LAMB4: variants seen among roughly 807,000 people sequenced by gnomAD.
LAMB4 encodes laminin subunit beta-4.
In LAMB4, 196 loss-of-function variants were observed where a neutral mutation model predicts 199.2. That is an observed-to-expected ratio of 0.98 (90% CI 0.88 to 1.11). The LOEUF (loss-of-function observed/expected upper bound fraction) is 1.11, where lower values mean the gene tolerates loss of function less well. LAMB4 is among the 50% of genes least tolerant of loss of function. The pLI, the probability that LAMB4 is intolerant of heterozygous loss-of-function variation, is 0.00. For missense variants in LAMB4, 2,080 were observed against 2,171.2 expected (o/e 0.96, Z 0.83); for synonymous variants, 744 against 770.6 (o/e 0.97, Z 0.57).
chr7:108,093,822 A>G (rs1258795698), intron 12 of LAMB4, among the ~76,000 whole-genome samples: 1 of 152,172 alleles, frequency 6.6e-6, no homozygotes, highest in Non-Finnish European at 1.5e-5. Flanking sequence ...AATTTTATGC[A>G]TGATTTTACT....
chr7:108,079,931 G>T, intron 14 of LAMB4, 145 bp from the exon 15 acceptor site: 1 of 592,456 alleles, frequency 1.7e-6, no homozygotes. Flanking sequence ...ATTCTAAGCA[G>T]GATACAGTCC....
intron 32 of LAMB4, among the ~76,000 whole-genome samples, chr7:108,030,480 T>C (rs941354455): frequency 6.6e-6 from 1 of 152,202 alleles, no homozygotes; most frequent in African/African-American, 2.4e-5. Context: ...GGCAAAAACA[T>C]ACAATACAGA....
intron 1 of LAMB4, among the ~76,000 whole-genome samples, chr7:108,127,425 G>A (rs2038833544): frequency 6.6e-6 from 1 of 152,036 alleles, no homozygotes; most frequent in Non-Finnish European, 1.5e-5. Flanking sequence ...TTCTCATCAA[G>A]CCTATTTGAT....
At chr7:108,026,884 A>C (rs780361928) in intron 33 of LAMB4, 3 of 517,698 alleles carry the variant, frequency 5.8e-6, no homozygotes, top group South Asian at 4.2e-5. Context: ...TCAATGTCTC[A>C]TTTTTCTATC....
Position 108,103,167 on chromosome 7 carries a change from C to T in LAMB4, c.1057G>A (p.Gly353Ser). Residue 353 changes from glycine to serine, a missense_variant, in exon 10 of 34, where the codon GGC (glycine) becomes AGC (serine). Coordinates refer to ENST00000388781, the MANE Select transcript of LAMB4 (RefSeq NM_007356.3). Reference sequence around the variant, plus strand: ...TCTTCACACACGCCCCCGCTGAGGCCACCGCTTGCCAGGTACGTAGTCATG... The same window carrying T: ...TCTTCACACACGCCCCCGCTGAGGCTACCGCTTGCCAGGTACGTAGTCATG... ...FDMTTYLASG[G>S]LSGGVCEDCQ... The T allele has an allele frequency of 6.2e-7, 1 of 1,605,668 alleles. No individual in the cohort carries two copies. Among genetic ancestry groups the T allele is most frequent in the Non-Finnish European group, 8.5e-7 (1 of 1,176,040 alleles).
chr7:108,089,103 C>CT (rs1047512549), intron 14 of LAMB4, among the ~76,000 whole-genome samples: 1 of 152,010 alleles, frequency 6.6e-6, no homozygotes, highest in African/African-American at 2.4e-5. Flanking sequence ...ATAAACTACA[C>CT]TTTTTTTTAT....
chr7:108,046,113 G>A (rs1424330122), intron 28 of LAMB4, among the ~76,000 whole-genome samples: 1 of 151,994 alleles, frequency 6.6e-6, no homozygotes, highest in Non-Finnish European at 1.5e-5. Context: ...TGTCGGTGCA[G>A]GCTGGAGTGC....
intron 30 of LAMB4, among the ~76,000 whole-genome samples, chr7:108,035,742 T>C (rs2035205427): frequency 6.6e-6 from 1 of 152,076 alleles, no homozygotes; most frequent in South Asian, 2.1e-4. Context: ...GTATAGATTG[T>C]TACCTGCTTT....
the LAMB4 span, among the ~76,000 whole-genome samples, chr7:108,011,767 C>T: frequency 6.6e-6 from 1 of 152,056 alleles, no homozygotes; most frequent in Non-Finnish European, 1.5e-5. Context: ...ATGGGCCAAG[C>T]ACTGCTGTAT....
chr7:108,066,288 T>C, intron 20 of LAMB4, 81 bp downstream of exon 20: 1 of 1,020,456 alleles, frequency 9.8e-7, no homozygotes, highest in Non-Finnish European at 1.5e-6. Flanking sequence ...TATTGTTGAG[T>C]CTCTACTCAA....
intron 28 of LAMB4, among the ~76,000 whole-genome samples, chr7:108,044,878 A>C (rs201453375): frequency 2.7e-5 from 4 of 146,486 alleles, no homozygotes; most frequent in Admixed American, 2.1e-4. Flanking sequence ...GCTTGAATCC[A>C]GGAGGCGGAG....
rs1213247500 is a variant in LAMB4 at position 108,107,834 on chromosome 7, TA to T, written c.403-16del. On this transcript the variant is annotated splice_polypyrimidine_tract_variant and intron_variant, in intron 5 of 33. Coordinates refer to ENST00000388781, the MANE Select transcript of LAMB4 (RefSeq NM_007356.3). ...GGCCGAAAAGTCTAGGAAAAATGAGTAAAAGTTGGCACATTTCACAAAGGCA... is the reference window on the plus strand; with the variant it reads ...GGCCGAAAAGTCTAGGAAAAATGAGTAAAGTTGGCACATTTCACAAAGGCA... 2 of 1,559,108 alleles carry T rather than the reference TA, an allele frequency of 1.3e-6. No homozygotes were observed. The highest frequency in any genetic ancestry group is 2.3e-5 in the East Asian group (1 of 43,104).
Position 108,052,157 on chromosome 7 carries a change from G to T in LAMB4, c.3856C>A (p.Leu1286Ile), listed in dbSNP as rs1435722955. 2 of 1,613,042 alleles carry T rather than the reference G, an allele frequency of 1.2e-6. No homozygotes were observed. Among genetic ancestry groups the T allele is most frequent in the East Asian group, 4.5e-5 (2 of 44,850 alleles). ...ERAKNEADLLLEDLQEEIDLQ... is the reference protein window; with the variant it reads ...ERAKNEADLLIEDLQEEIDLQ... ...TCAATTTCTTCCTGAAGGTCTTCAA[G>T]TAAGAGGTCTGCTTCATTCTTTGCT... The change falls in exon 26 of 34, where the codon CTT (leucine) becomes ATT (isoleucine). Residue 1286 changes from leucine to isoleucine, a missense_variant. Transcript: ENST00000388781.
chr7:108,127,183 T>G (rs2038822368), intron 1 of LAMB4, among the ~76,000 whole-genome samples: 1 of 69,754 alleles, frequency 1.4e-5, no homozygotes, highest in African/African-American at 3.3e-5. Flanking sequence ...GGGTTTTTTT[T>G]TTTGTGTTTT....
chr7:108,043,545 G>GTTTTTTTTTTTTTTTT (rs748169558), intron 29 of LAMB4, among the ~76,000 whole-genome samples: 14 of 55,978 alleles, frequency 2.5e-4, no homozygotes, highest in Non-Finnish European at 2.9e-4. Flanking sequence ...TGGCTATGAT[G>GTTTTTTTTTTTTTTTT]TTTTTTTTTT....
At chr7:108,031,101 C>T (rs570545216) in intron 31 of LAMB4, 122 bp from the exon 32 acceptor site, 1 of 622,028 alleles carries the variant, frequency 1.6e-6, no homozygotes, top group Non-Finnish European at 2.6e-6. Context: ...AGTGCCTCCA[C>T]TTTTTCTGTT....
chr7:108,091,155 A>C (rs560933225), intron 14 of LAMB4, among the ~76,000 whole-genome samples: 6 of 151,318 alleles, frequency 4.0e-5, no homozygotes, highest in Non-Finnish European at 8.8e-5. Flanking sequence ...AGAACCTTCT[A>C]TACTTTCGTC....
chr7:108,095,347 C>G lies in LAMB4; in HGVS notation c.1361-10G>C. 6.4e-7 allele frequency: 1 copy of G among 1,564,978 alleles called. No individual in the cohort carries two copies. Among genetic ancestry groups the G allele is most frequent in the Non-Finnish European group, 8.8e-7 (1 of 1,135,754 alleles). On this transcript the variant is annotated splice_polypyrimidine_tract_variant and intron_variant, in intron 11 of 33. Coordinates refer to ENST00000388781, the MANE Select transcript of LAMB4 (RefSeq NM_007356.3). ...GGGTTACAGTCGCAGGCTGAAAGCA[C>G]AGCATACACAATTATTCTCATTCTT...
chr7:108,126,915 G>C (rs1433836187), intron 1 of LAMB4, among the ~76,000 whole-genome samples: 2 of 152,088 alleles, frequency 1.3e-5, no homozygotes, highest in East Asian at 3.9e-4. Context: ...TGCACCTGAG[G>C]AGATATTAAA....
Sources: allele counts gnomAD v4.1 joint callset (sites outside exome capture counted in the v4.1 genomes callset), GRCh38; gene constraint gnomAD v4.1.1; transcripts MANE v1.5; gene names NCBI Gene and HGNC (gene_info 2026-07-23, HGNC 2026-07-21).